The following SLC2A1 variants were observed in gnomAD, a reference collection of about 807,000 sequenced individuals.
SLC2A1 encodes the protein solute carrier family 2 member 1, also known as solute carrier family 2, facilitated glucose transporter member 1.
A neutral mutation model predicts 46.6 loss-of-function variants in SLC2A1; 4 were observed. The observed-to-expected ratio is 0.09, with a 90% confidence interval of 0.04 to 0.20. SLC2A1 has a LOEUF of 0.20. Among genes scored for constraint, SLC2A1 ranks in the 10% least tolerant of loss-of-function variants. SLC2A1 has a pLI of 1.00. For synonymous variants in SLC2A1, 253 were observed against 270.0 expected, an observed-to-expected ratio of 0.94 and a Z score of 0.62; for missense variants, 352 against 667.0, an observed-to-expected ratio of 0.53 and a Z score of 5.20.
At chr1:42,956,156 G>C (rs1235980241) in intron 1 of SLC2A1, among the ~76,000 whole-genome samples, 2 of 152,182 alleles carry the variant, frequency 1.3e-5, no homozygotes, top group East Asian at 3.8e-4. Flanking sequence ...ATTTGGAGGG[G>C]AAAATGACTA....
At position 42,927,662 on chromosome 1, in the gene SLC2A1, T is replaced by C. The variant is rs1643441611; in HGVS notation, c.1221A>G (p.Ala407=). ...AATTTGAGGTCCAGTTGGAGAAGCC[T>C]GCAACGGCAATGGCAGCTGGACGTG... ...QGPRPAAIAV[A]GFSNWTSNFI... The change falls in exon 9 of 10, where the codon GCA becomes GCG. Residue 407 remains alanine, a synonymous_variant. Transcript: ENST00000426263. The surrounding 1 kb of genome is among the most constrained non-coding windows in gnomAD (Gnocchi z 5.3). The C allele has an allele frequency of 6.2e-7, 1 of 1,614,192 alleles. No individual in the cohort carries two copies. The highest frequency in any genetic ancestry group is 8.5e-7 in the Non-Finnish European group (1 of 1,180,034).
intron 1 of SLC2A1, among the ~76,000 whole-genome samples, chr1:42,951,132 T>C (rs999126601): frequency 1.3e-5 from 2 of 152,220 alleles, no homozygotes; most frequent in African/African-American, 4.8e-5. Context: ...ACCAAATCCC[T>C]GCCTATGGAA....
chr1:42,934,494 C>T (rs544495535), intron 2 of SLC2A1, among the ~76,000 whole-genome samples: 80 of 152,268 alleles, frequency 5.3e-4, no homozygotes, highest in African/African-American at 1.9e-3. Flanking sequence ...CCCTCTCCTC[C>T]CTGGGGATTC....
Position 42,930,492 on chromosome 1 carries a change from G to T in SLC2A1, c.516+134C>A. ...ATGGTGCTGTGTTCTCTGGACCTGTGTACCATAGTTGTCCTCTGCAAGGCT... is the reference window on the plus strand; with the variant it reads ...ATGGTGCTGTGTTCTCTGGACCTGTTTACCATAGTTGTCCTCTGCAAGGCT... On this transcript the variant is annotated intron_variant, in intron 4 of 9. Transcript: ENST00000426263. This position sits in a 1 kb window ranked among gnomAD's most constrained non-coding sequence, Gnocchi z 6.2. The T allele has an allele frequency of 8.3e-7, 1 of 1,211,394 alleles. No homozygotes were observed. Among genetic ancestry groups the T allele is most frequent in the Non-Finnish European group, 1.2e-6 (1 of 836,486 alleles). 75.0% of individuals were successfully genotyped at this position (1,211,394 alleles called of 1,614,324 possible).
intron 1 of SLC2A1, 102 bp downstream of exon 1, chr1:42,958,532 G>T: frequency 1.1e-6 from 1 of 931,932 alleles, no homozygotes; most frequent in Non-Finnish European, 1.4e-6. Flanking sequence ...CGCCCCGGGC[G>T]CACAGCGCAG....
chr1:42,955,753 AG>A (rs1487025511), intron 1 of SLC2A1, among the ~76,000 whole-genome samples: 3 of 152,126 alleles, frequency 2.0e-5, no homozygotes, highest in African/African-American at 7.2e-5. Context: ...TTCTTCACGA[AG>A]GGTGGGGTGA....
rs377490865 is a variant in SLC2A1 at position 42,953,402 on chromosome 1, A to G, written c.18+5232T>C. Reference sequence around the variant, plus strand: ...GTCCACCCCTCCCGTGGAGAGAGGTAACAATTGGAGGCTTGTTAGGGTAGC... The same window carrying G: ...GTCCACCCCTCCCGTGGAGAGAGGTGACAATTGGAGGCTTGTTAGGGTAGC... On this transcript the variant is annotated intron_variant, in intron 1 of 9. Coordinates refer to ENST00000426263, the MANE Select transcript of SLC2A1 (RefSeq NM_006516.4). 2.7e-3 allele frequency among the ~76,000 whole-genome samples: 408 copies of G among 152,360 alleles called. 2 individuals are homozygous for G. The highest frequency in any genetic ancestry group is 0.024 in the South Asian group (116 of 4,830).
chr1:42,958,291 G>A (rs1389988838), intron 1 of SLC2A1, among the ~76,000 whole-genome samples: 2 of 151,324 alleles, frequency 1.3e-5, no homozygotes, highest in Non-Finnish European at 3.0e-5. Context: ...TGCTGCTGCC[G>A]AGGTCGTGTG....
Position 42,954,190 on chromosome 1 carries a change from G to T in SLC2A1, c.18+4444C>A, listed in dbSNP as rs1250067823. ...TTTGGGGTGGGTGGAGGATGGCACA[G>T]ACAGGCATGTGGAGAAGAAAGCATC... is the stretch of plus-strand genomic sequence containing the variant. On this transcript the variant is annotated intron_variant, in intron 1 of 9. Transcript: ENST00000426263. The surrounding 1 kb of genome is among the most constrained non-coding windows in gnomAD (Gnocchi z 4.2). Among the ~76,000 whole-genome samples the T allele has an allele frequency of 6.7e-6, 1 of 149,874 alleles. No homozygotes were observed. The highest frequency in any genetic ancestry group is 1.5e-5 in the Non-Finnish European group (1 of 67,760).
At chr1:42,957,909 G>C (rs1643794147) in intron 1 of SLC2A1, among the ~76,000 whole-genome samples, 1 of 152,122 alleles carries the variant, frequency 6.6e-6, no homozygotes, top group South Asian at 2.1e-4. Flanking sequence ...ACCTGCCTCC[G>C]CGGAACACAT....
intron 2 of SLC2A1, among the ~76,000 whole-genome samples, chr1:42,934,687 C>T (rs1643524728): frequency 6.6e-6 from 1 of 152,144 alleles, no homozygotes; most frequent in Admixed American, 6.5e-5. Flanking sequence ...ATCCCGCCGG[C>T]TCCCAGCAGC....
chr1:42,947,199 G>A (rs1435365527), intron 1 of SLC2A1, among the ~76,000 whole-genome samples: 2 of 152,178 alleles, frequency 1.3e-5, no homozygotes, highest in East Asian at 3.8e-4. Context: ...TGAACAGTTG[G>A]TGATGACTTA....
chr1:42,931,257 T>G, intron 2 of SLC2A1, 51 bp from the exon 3 acceptor site: 1 of 1,586,098 alleles, frequency 6.3e-7, no homozygotes, highest in Non-Finnish European at 8.6e-7. Flanking sequence ...CAGGACCCAG[T>G]CTTCCTTTTC....
At position 42,930,530 on chromosome 1, in the gene SLC2A1, C is replaced by T. The variant is rs751573832; in HGVS notation, c.516+96G>A. The T allele has an allele frequency of 1.2e-5, 19 of 1,532,820 alleles. No homozygotes were observed. Among genetic ancestry groups the T allele is most frequent in the African/African-American group, 6.8e-5 (5 of 73,042 alleles). The allele number at this position is 1,532,820 out of a possible 1,614,324, so 95.0% of individuals were successfully genotyped here. A position where few individuals can be genotyped will look rare whatever the true frequency, so the allele number is the denominator to read the frequency against. The stretch of plus-strand genomic sequence containing the variant: ...CCTCTGCAAGGCTGTGGGGGCTGGG[C>T]GGAAGAGAAACTCTGCCCTGCTGGG... On this transcript the variant is annotated intron_variant, in intron 4 of 9. Coordinates refer to ENST00000426263, the MANE Select transcript of SLC2A1 (RefSeq NM_006516.4). The surrounding 1 kb of genome is among the most constrained non-coding windows in gnomAD (Gnocchi z 6.2).
Position 42,927,878 on chromosome 1 carries a change from T to G in SLC2A1, c.1075-70A>C. 1 of 1,203,724 alleles carries G rather than the reference T, an allele frequency of 8.3e-7. No homozygotes were observed. Among genetic ancestry groups the G allele is most frequent in the Non-Finnish European group, 1.2e-6 (1 of 832,250 alleles). 74.6% of individuals were successfully genotyped at this position (1,203,724 alleles called of 1,614,324 possible). ...ATGGATCCTCAGGGGAAACAGAAGC[T>G]ACAGAGGCCAGAGCAGAGCTATGCG... On this transcript the variant is annotated intron_variant, in intron 8 of 9. Coordinates refer to ENST00000426263, the MANE Select transcript of SLC2A1 (RefSeq NM_006516.4). The surrounding 1 kb of genome is among the most constrained non-coding windows in gnomAD (Gnocchi z 5.3).
In SLC2A1 at chr1:42,927,663, G is replaced by A; in HGVS notation, c.1220C>T (p.Ala407Val). The change falls in exon 9 of 10, where the codon GCA becomes GTA. Residue 407 changes from alanine (A) to valine (V), a missense_variant. Transcript: ENST00000426263. This position sits in a 1 kb window ranked among gnomAD's most constrained non-coding sequence, Gnocchi z 5.3. ...QGPRPAAIAV[A>V]GFSNWTSNFI... ...ATTTGAGGTCCAGTTGGAGAAGCCT[G>A]CAACGGCAATGGCAGCTGGACGTGG... The A allele has an allele frequency of 6.2e-7, 1 of 1,614,178 alleles. No individual in the cohort carries two copies. The highest frequency in any genetic ancestry group is 8.5e-7 in the Non-Finnish European group (1 of 1,180,028).
At chr1:42,946,887 CT>C (rs1643662031) in intron 1 of SLC2A1, among the ~76,000 whole-genome samples, 1 of 152,216 alleles carries the variant, frequency 6.6e-6, no homozygotes, top group Non-Finnish European at 1.5e-5. Flanking sequence ...AGCAAGCTGC[CT>C]CCTTTCACCT....
At chr1:42,947,581 C>CCA (rs1643671209) in intron 1 of SLC2A1, among the ~76,000 whole-genome samples, 1 of 55,830 alleles carries the variant, frequency 1.8e-5, no homozygotes, top group Admixed American at 1.9e-4. Context: ...CACACACACA[C>CCA]AAAAAAAAAA....
chr1:42,945,996 T>C (rs1643651313), intron 1 of SLC2A1, among the ~76,000 whole-genome samples: 1 of 152,216 alleles, frequency 6.6e-6, no homozygotes, highest in South Asian at 2.1e-4. Context: ...AAATGATCCA[T>C]GGATCTGGCA....
Sources: allele counts gnomAD v4.1 joint callset (sites outside exome capture counted in the v4.1 genomes callset), GRCh38; gene constraint gnomAD v4.1.1; non-coding constraint Gnocchi (gnomAD v3.1); transcripts MANE v1.5; gene names NCBI Gene and HGNC (gene_info 2026-07-23, HGNC 2026-07-21).